ROBO1: variants seen among roughly 807,000 people sequenced by gnomAD.
ROBO1 encodes the protein roundabout homolog 1.
In ROBO1, 149 loss-of-function variants were observed where a neutral mutation model predicts 195.9. That is an observed-to-expected ratio of 0.76 (90% CI 0.67 to 0.87). ROBO1 has a LOEUF of 0.87. Among genes scored for constraint, ROBO1 ranks in the 40% least tolerant of loss-of-function variants. ROBO1 has a pLI of 0.00. For synonymous variants in ROBO1, 816 were observed against 733.2 expected (o/e 1.11, Z -1.82); for missense variants, 1,933 against 2,068.3 (o/e 0.93, Z 1.27).
At chr3:79,300,619 G>A (rs116300917) in intron 2 of ROBO1, among the ~76,000 whole-genome samples, 3,007 of 152,314 alleles carry the variant, frequency 0.02, 83 homozygotes, top group African/African-American at 0.069. Context: ...ACTGCAGTGG[G>A]ACTGGCAGGC....
At chr3:79,011,296 T>C (rs766664632) in intron 3 of ROBO1, among the ~76,000 whole-genome samples, 4 of 152,146 alleles carry the variant, frequency 2.6e-5, no homozygotes, top group East Asian at 1.9e-4. Flanking sequence ...TGTTCTTGTA[T>C]AGGAAAGGAA....
chr3:78,650,179 T>A (rs1706558390), intron 19 of ROBO1, among the ~76,000 whole-genome samples: 1 of 152,136 alleles, frequency 6.6e-6, no homozygotes, highest in Non-Finnish European at 1.5e-5. Flanking sequence ...TCTACAATTA[T>A]TTTCAGTCAA....
chr3:79,471,390 G>T (rs192420107), intron 2 of ROBO1, among the ~76,000 whole-genome samples: 2 of 152,046 alleles, frequency 1.3e-5, no homozygotes, highest in Non-Finnish European at 2.9e-5. Context: ...AAAAATATTT[G>T]CAGACTATAC....
chr3:79,098,282 A>G (rs956966456), intron 3 of ROBO1, among the ~76,000 whole-genome samples: 1 of 151,796 alleles, frequency 6.6e-6, no homozygotes, highest in Non-Finnish European at 1.5e-5. Flanking sequence ...ATGTGGCTTT[A>G]CTAGAGACAG....
chr3:79,041,474 A>G (rs1474249238), intron 3 of ROBO1, among the ~76,000 whole-genome samples: 1 of 150,950 alleles, frequency 6.6e-6, no homozygotes, highest in Non-Finnish European at 1.5e-5. Context: ...TGTTGCAGAA[A>G]CTTTTTTTTT....
At chr3:78,854,911 T>G (rs1179711397) in intron 4 of ROBO1, among the ~76,000 whole-genome samples, 1 of 152,082 alleles carries the variant, frequency 6.6e-6, no homozygotes, top group African/African-American at 2.4e-5. Context: ...CAAAATTTAT[T>G]TGTACTTCGA....
chr3:79,523,478 T>C (rs1454918393), intron 2 of ROBO1, among the ~76,000 whole-genome samples: 2 of 148,296 alleles, frequency 1.3e-5, no homozygotes, highest in East Asian at 1.9e-4. Flanking sequence ...TTTTCTTTTT[T>C]TTTTTTTTTT....
At chr3:79,276,048 C>G (rs1285782944) in intron 2 of ROBO1, among the ~76,000 whole-genome samples, 1 of 151,940 alleles carries the variant, frequency 6.6e-6, no homozygotes, top group East Asian at 1.9e-4. Context: ...TCCATATTCC[C>G]CAAACCAATC....
intron 2 of ROBO1, among the ~76,000 whole-genome samples, chr3:79,573,094 A>G (rs1943334949): frequency 6.6e-6 from 1 of 152,142 alleles, no homozygotes; most frequent in Non-Finnish European, 1.5e-5. Flanking sequence ...CTGCCATGCA[A>G]GCTGGAGTGC....
At chr3:78,646,392 A>G (rs927828551) in intron 20 of ROBO1, among the ~76,000 whole-genome samples, 2 of 150,302 alleles carry the variant, frequency 1.3e-5, no homozygotes, top group African/African-American at 4.9e-5. Context: ...TACATATCAT[A>G]TATCTAATTA....
chr3:78,946,083 G>C (rs1237403505), intron 3 of ROBO1, among the ~76,000 whole-genome samples: 1 of 152,176 alleles, frequency 6.6e-6, no homozygotes, highest in African/African-American at 2.4e-5. Context: ...ATGGAACCAA[G>C]TTGGAAAACA....
At chr3:79,228,696 C>T (rs1012107259) in intron 2 of ROBO1, among the ~76,000 whole-genome samples, 1 of 152,096 alleles carries the variant, frequency 6.6e-6, no homozygotes, top group Non-Finnish European at 1.5e-5. Context: ...ATATGGTTTA[C>T]TAATACATAC....
intron 2 of ROBO1, among the ~76,000 whole-genome samples, chr3:79,268,918 C>T (rs1218117607): frequency 2.0e-5 from 3 of 151,608 alleles, no homozygotes; most frequent in African/African-American, 4.8e-5. Context: ...TTTGGACATT[C>T]TATATATTTA....
intron 18 of ROBO1, among the ~76,000 whole-genome samples, chr3:78,655,801 C>T (rs192813335): frequency 1.4e-4 from 22 of 152,210 alleles, no homozygotes. Context: ...ACATCTGATC[C>T]TTTTTGATGA....
At chr3:79,450,215 G>A (rs1390343643) in intron 2 of ROBO1, among the ~76,000 whole-genome samples, 1 of 151,620 alleles carries the variant, frequency 6.6e-6, no homozygotes, top group Admixed American at 6.6e-5. Flanking sequence ...GACTTTTACT[G>A]ATACTGATGA....
At chr3:79,524,508 A>T (rs1344550223) in intron 2 of ROBO1, among the ~76,000 whole-genome samples, 1 of 152,080 alleles carries the variant, frequency 6.6e-6, no homozygotes, top group Non-Finnish European at 1.5e-5. Flanking sequence ...AATTTGTTAA[A>T]GGTTAATTCT....
At chr3:79,474,129 A>AAAAAAAAAG (rs1396732182) in intron 2 of ROBO1, among the ~76,000 whole-genome samples, 1 of 152,120 alleles carries the variant, frequency 6.6e-6, no homozygotes. Flanking sequence ...TTAGTCAAAA[A>AAAAAAAAAG]CAGATGACCT....
intron 2 of ROBO1, among the ~76,000 whole-genome samples, chr3:79,367,378 T>G (rs2109325007): frequency 6.6e-6 from 1 of 152,302 alleles, no homozygotes; most frequent in Non-Finnish European, 1.5e-5. Context: ...ATTTCTGCAG[T>G]TAGAATTCCC....
intron 1 of ROBO1, among the ~76,000 whole-genome samples, chr3:79,750,862 G>T (rs1045181854): frequency 6.6e-6 from 1 of 152,112 alleles, no homozygotes; most frequent in Non-Finnish European, 1.5e-5. Flanking sequence ...TTCTCTGATT[G>T]TTTCAGGTGA....
Sources: gnomAD v4.1 joint callset for allele counts (sites outside exome capture counted in the v4.1 genomes callset) on GRCh38, gnomAD v4.1.1 for gene constraint, MANE v1.5 for transcripts, NCBI Gene and HGNC (gene_info 2026-07-23, HGNC 2026-07-21) for gene names.